Variants in PCDHA12 observed in about 807,000 individuals in gnomAD.
PCDHA12 encodes protocadherin alpha-12.
A neutral mutation model predicts 60.0 loss-of-function variants in PCDHA12; 44 were observed. That is an observed-to-expected ratio of 0.73 (90% CI 0.58 to 0.94). PCDHA12 has a LOEUF of 0.94. Among genes scored for constraint, PCDHA12 ranks in the 40% least tolerant of loss-of-function variants. The pLI is 0.00. For missense variants in PCDHA12, 1,276 were observed against 1,239.7 expected, an observed-to-expected ratio of 1.03 and a Z score of -0.44; for synonymous variants, 569 against 553.0, an observed-to-expected ratio of 1.03 and a Z score of -0.40.
At chr5:140,969,765 G>T (rs1445266469) in intron 1 of PCDHA12, among the ~76,000 whole-genome samples, 5 of 152,148 alleles carry the variant, frequency 3.3e-5, no homozygotes, top group Non-Finnish European at 7.3e-5. Flanking sequence ...AAGCTCTGAG[G>T]CCTCTAGGGG....
In PCDHA12 at chr5:140,883,376, G is replaced by T. The variant is rs1276182742; in HGVS notation, c.2367+5537G>T. On this transcript the variant is annotated intron_variant, in intron 1 of 3. Transcript: ENST00000398631. The stretch of plus-strand genomic sequence containing the variant: ...AGACACTCAGCCTAGCGCCATTATT[G>T]CCCTAATCAGTGTGTCCGATCGTGA... 25 of 1,613,998 alleles carry T rather than the reference G, an allele frequency of 1.5e-5. No homozygotes were observed. The highest frequency in any genetic ancestry group is 2.0e-5 in the Non-Finnish European group (24 of 1,180,022).
intron 1 of PCDHA12, among the ~76,000 whole-genome samples, chr5:140,924,894 C>CAAAAAAA (rs782133089): frequency 2.8e-5 from 2 of 71,470 alleles, no homozygotes; most frequent in African/African-American, 8.5e-5. Flanking sequence ...GAACCTGTCT[C>CAAAAAAA]AAAAAAAAAA....
In PCDHA12 at chr5:140,928,656, T is replaced by A. The variant is rs116598649; in HGVS notation, c.2368-50293T>A. ...TCACAAAAGTGGTAGCAGAGGATGC[T>A]GACAGTGGTTCTAATGCCTGGCTTT... On this transcript the variant is annotated intron_variant, in intron 1 of 3. Transcript: ENST00000398631. 5,180 of 1,614,228 alleles carry A rather than the reference T, an allele frequency of 3.2e-3. 26 individuals are homozygous for A. Among genetic ancestry groups the A allele is most frequent in the African/African-American group, 0.019 (1,449 of 75,056 alleles).
In PCDHA12 at chr5:140,904,302, A is replaced by C. The variant is rs553969479; in HGVS notation, c.2367+26463A>C. Among the ~76,000 whole-genome samples, 22 of 151,950 alleles carry C rather than the reference A, an allele frequency of 1.4e-4. No individual in the cohort carries two copies. In the East Asian group the frequency reaches 3.9e-3, roughly 27 times the overall value. On this transcript the variant is annotated intron_variant, in intron 1 of 3. Transcript: ENST00000398631. ...TGTGGTGTTTGGTTTTCCATTCCTG[A>C]GTTTCTTCACTTAGAATAATGGTCT...
intron 1 of PCDHA12, among the ~76,000 whole-genome samples, chr5:140,957,371 T>G (rs1465346844): frequency 3.3e-5 from 5 of 152,206 alleles, no homozygotes; most frequent in Non-Finnish European, 7.4e-5. Context: ...AAACTTTTAT[T>G]ATAGTGTATT....
chr5:140,990,332 T>C (rs1458187543), intron 3 of PCDHA12, among the ~76,000 whole-genome samples: 1 of 152,100 alleles, frequency 6.6e-6, no homozygotes, highest in Non-Finnish European at 1.5e-5. Flanking sequence ...ACTTTAAAAA[T>C]AAGTAAAGCC....
chr5:140,903,543 A>C (rs1309997907), intron 1 of PCDHA12, among the ~76,000 whole-genome samples: 2 of 152,206 alleles, frequency 1.3e-5, no homozygotes, highest in East Asian at 3.8e-4. Flanking sequence ...TAGAGCAAGA[A>C]ACTTTTCTAA....
chr5:140,906,585 C>T (rs782305409), intron 1 of PCDHA12, among the ~76,000 whole-genome samples: 1 of 152,208 alleles, frequency 6.6e-6, no homozygotes, highest in Non-Finnish European at 1.5e-5. Context: ...TTGATGACTA[C>T]CTTCCTCTAC....
intron 3 of PCDHA12, among the ~76,000 whole-genome samples, chr5:141,002,090 A>AGG (rs782223041): frequency 1.3e-5 from 2 of 152,254 alleles, no homozygotes; most frequent in Non-Finnish European, 2.9e-5. Flanking sequence ...CGAGCAGTCC[A>AGG]GGGGCTGGGC....
intron 1 of PCDHA12, among the ~76,000 whole-genome samples, chr5:140,890,014 A>G (rs1402612271): frequency 6.6e-6 from 1 of 152,148 alleles, no homozygotes; most frequent in African/African-American, 2.4e-5. Flanking sequence ...TGCCAGAAAA[A>G]TGTAGAAGGC....
rs782251799 is a variant in PCDHA12 at position 140,876,987 on chromosome 5, G to T, written c.1515G>T (p.Ser505=). Residue 505 remains serine, a synonymous_variant, in exon 1 of 4, where the codon TCG becomes TCT. Transcript: ENST00000398631. ...VERRVGEHAL[S]SYVSVHAESG... is the part of the protein sequence containing the mutation. The stretch of plus-strand genomic sequence containing the variant: ...GGCGGGTGGGCGAGCACGCACTGTC[G>T]AGCTACGTGTCGGTGCACGCGGAGA... The T allele has an allele frequency of 9.9e-6, 16 of 1,612,540 alleles. 1 individual carries two copies. The South Asian group carries it at 1.4e-4, about 14-fold the overall frequency.
At chr5:140,967,588 A>G (rs782208520) in intron 1 of PCDHA12, 7 of 1,614,116 alleles carry the variant, frequency 4.3e-6, no homozygotes, top group Non-Finnish European at 5.1e-6. Flanking sequence ...CCCCAGGCAC[A>G]TTGGTGGTGA....
At chr5:140,882,332 G>A (rs782439110) in intron 1 of PCDHA12, 1 of 1,614,178 alleles carries the variant, frequency 6.2e-7, no homozygotes, top group Non-Finnish European at 8.5e-7. Flanking sequence ...TCTGATCCTC[G>A]CAGCCTGGGA....
intron 1 of PCDHA12, among the ~76,000 whole-genome samples, chr5:140,893,945 A>T (rs1293077869): frequency 6.6e-6 from 1 of 152,180 alleles, no homozygotes; most frequent in Non-Finnish European, 1.5e-5. Flanking sequence ...TTAATTCTGC[A>T]TGACTTTATT....
intron 1 of PCDHA12, among the ~76,000 whole-genome samples, chr5:140,910,102 A>G (rs1206018595): frequency 2.6e-5 from 4 of 152,184 alleles, no homozygotes; most frequent in African/African-American, 9.7e-5. Context: ...CCTCCCCTTC[A>G]TTTAAGGGAT....
intron 1 of PCDHA12, among the ~76,000 whole-genome samples, chr5:140,896,062 C>T (rs781234487): frequency 1.1e-4 from 17 of 152,104 alleles, no homozygotes; most frequent in South Asian, 4.2e-4. Flanking sequence ...CCGCCTGCCT[C>T]GGCCTCCCAA....
At chr5:140,882,960 C>G in intron 1 of PCDHA12, 11 of 1,614,166 alleles carry the variant, frequency 6.8e-6, no homozygotes, top group Non-Finnish European at 5.9e-6. Flanking sequence ...CTGCTCATCA[C>G]GATTCTGGAC....
chr5:140,883,768 C>T, intron 1 of PCDHA12: 1 of 1,612,160 alleles, frequency 6.2e-7, no homozygotes, highest in Non-Finnish European at 8.5e-7. Flanking sequence ...GGCGGGTGGG[C>T]GAGCGTGCGC....
At chr5:140,928,367 C>T (rs781897390) in intron 1 of PCDHA12, 1 of 1,614,170 alleles carries the variant, frequency 6.2e-7, no homozygotes, top group East Asian at 2.2e-5. Context: ...TCTGAAGGGC[C>T]ATCAGCCTCT....
Sources: allele counts gnomAD v4.1 joint callset (sites outside exome capture counted in the v4.1 genomes callset), GRCh38; gene constraint gnomAD v4.1.1; transcripts MANE v1.5; gene names NCBI Gene and HGNC (gene_info 2026-07-23, HGNC 2026-07-21).